FAAP20: variants seen among roughly 807,000 people sequenced by gnomAD.
FAAP20 encodes FA core complex associated protein 20.
Under a neutral mutation model 16.2 loss-of-function variants are expected in FAAP20, and 12 were observed. The ratio of observed to expected loss-of-function variants is 0.74; its 90% CI spans 0.48 to 1.20. The LOEUF (loss-of-function observed/expected upper bound fraction) is 1.20. Among genes scored for constraint, FAAP20 ranks in the 50% most tolerant of loss-of-function variants. FAAP20 has a pLI of 0.00. For synonymous variants in FAAP20, 141 were observed against 110.7 expected (o/e 1.27, Z -1.72); for missense variants, 288 against 245.8 (o/e 1.17, Z -1.15).
At chr1:2,184,564 C>G, downstream of FAAP20, 1 of 1,606,242 alleles carries the variant, frequency 6.2e-7, no homozygotes, top group Non-Finnish European at 8.5e-7. Context: ...GCTGACCCTT[C>G]TCCTATTGTT....
chr1:2,187,060 T>A (rs917900872), downstream of FAAP20: 7 of 374,730 alleles, frequency 1.9e-5, no homozygotes, highest in Non-Finnish European at 3.9e-5. Flanking sequence ...TCTCGAAAAC[T>A]CTGGTGACTT....
At chr1:2,193,954 C>A (rs757605520) in intron 2 of FAAP20, 44 bp from the exon 3 acceptor site, 3 of 1,612,240 alleles carry the variant, frequency 1.9e-6, no homozygotes, top group Non-Finnish European at 2.5e-6. Flanking sequence ...ATGGCTCCCG[C>A]CCTGGAAACC....
upstream of FAAP20, chr1:2,198,265 A>T (rs1688903494): frequency 2.0e-6 from 2 of 1,015,128 alleles, no homozygotes; most frequent in South Asian, 3.1e-5. Context: ...TCCCAGGCAG[A>T]GCAGAAGGTG....
chr1:2,190,486 C>G (rs962684882), intron 3 of FAAP20: 1 of 444,250 alleles, frequency 2.3e-6, no homozygotes, highest in Admixed American at 2.4e-5. Flanking sequence ...CTTCTATCCC[C>G]GGCCTCATGT....
downstream of FAAP20, chr1:2,212,146 A>T (rs1231679439): frequency 2.6e-5 from 4 of 151,988 alleles, no homozygotes; most frequent in Admixed American, 2.0e-4. Flanking sequence ...TGACCTCGTG[A>T]TCCGCCCGCC....
At chr1:2,204,794 C>G (rs543043080), upstream of FAAP20, among the ~76,000 whole-genome samples, 285 of 152,280 alleles carry the variant, frequency 1.9e-3, 1 homozygote, top group African/African-American at 6.6e-3. Flanking sequence ...CTTTGGTTTC[C>G]TCCCGCCGCC....
At chr1:2,194,622 G>A in intron 1 of FAAP20, 66 bp downstream of exon 1, 2 of 930,524 alleles carry the variant, frequency 2.1e-6, no homozygotes, top group Non-Finnish European at 2.7e-6. Context: ...GGAGGCCCGC[G>A]GGGGCGCCGG....
intron 3 of FAAP20, chr1:2,190,422 G>A (rs1162751013): frequency 4.5e-6 from 2 of 446,596 alleles, no homozygotes; most frequent in South Asian, 1.6e-5. Context: ...GAGTCCTGCA[G>A]GTCAGCGCCC....
At chr1:2,199,286 T>A, upstream of FAAP20, 4 of 1,062,368 alleles carry the variant, frequency 3.8e-6, no homozygotes, top group Non-Finnish European at 1.1e-6. The surrounding 1 kb of genome is among the most constrained non-coding windows in gnomAD (Gnocchi z 4.5). Context: ...CTGTCCTCCA[T>A]CCCCACGTGT....
At chr1:2,192,022 T>C (rs1289312294) in intron 3 of FAAP20, 2 of 985,412 alleles carry the variant, frequency 2.0e-6, no homozygotes, top group Non-Finnish European at 2.4e-6. Flanking sequence ...GGAGGCCTCC[T>C]GGCAGCTCCA....
chr1:2,199,602 C>A, upstream of FAAP20: 13 of 985,782 alleles, frequency 1.3e-5, no homozygotes, highest in Non-Finnish European at 1.6e-5. This position sits in a 1 kb window ranked among gnomAD's most constrained non-coding sequence, Gnocchi z 4.5. Context: ...GAAGGCAAGT[C>A]ACAGAAACCA....
upstream of FAAP20, chr1:2,198,269 G>T (rs753529753): frequency 1.0e-6 from 1 of 984,262 alleles, no homozygotes; most frequent in Non-Finnish European, 1.4e-6. Flanking sequence ...AGGCAGAGCA[G>T]AAGGTGATCG....
downstream of FAAP20, among the ~76,000 whole-genome samples, chr1:2,207,980 G>A (rs976178757): frequency 1.3e-5 from 2 of 152,088 alleles, no homozygotes; most frequent in Admixed American, 6.5e-5. Flanking sequence ...ATGCGTGCAG[G>A]CATGTGAGCC....
Position 2,189,621 on chromosome 1 carries a change from C to T in FAAP20, c.*88G>A, listed in dbSNP as rs1274718564. 1.0e-5 allele frequency: 10 copies of T among 995,408 alleles called. No individual in the cohort carries two copies. 61.7% of individuals were successfully genotyped at this position (995,408 alleles called of 1,614,324 possible). A position where few individuals can be genotyped will look rare whatever the true frequency, so the allele number is the denominator to read the frequency against. Reference sequence around the variant, plus strand: ...CATGCGGGGGAGCCGAGAGGCGGGGCTGCTGGCGGGGGAGCCGAGAGGCGG... The same window carrying T: ...CATGCGGGGGAGCCGAGAGGCGGGGTTGCTGGCGGGGGAGCCGAGAGGCGG... On this transcript the variant is annotated 3_prime_UTR_variant, in exon 4 of 4. Transcript: ENST00000378546.
At chr1:2,186,498 C>G (rs953954502), downstream of FAAP20, among the ~76,000 whole-genome samples, 2 of 145,066 alleles carry the variant, frequency 1.4e-5, no homozygotes, top group Non-Finnish European at 3.1e-5. Flanking sequence ...GGACACCCGC[C>G]CCCCCCCGGC....
downstream of FAAP20, among the ~76,000 whole-genome samples, chr1:2,209,177 C>T (rs1247353418): frequency 6.6e-6 from 1 of 152,156 alleles, no homozygotes; most frequent in South Asian, 2.1e-4. Flanking sequence ...CCGTCCCCCA[C>T]CTGCTGCATG....
At chr1:2,204,942 CGCCCCTCAAG>C in intron 3 of FAAP20, among the ~76,000 whole-genome samples, 1 of 119,256 alleles carries the variant, frequency 8.4e-6, no homozygotes, top group Admixed American at 8.1e-5. Flanking sequence ...CCCCATACCC[CGCCCCTCAAG>C]CCCCGCCCCG....
chr1:2,205,047 TCACGCCCCGTCCC>T (rs1689194380), intron 3 of FAAP20, among the ~76,000 whole-genome samples: 1 of 44,884 alleles, frequency 2.2e-5, no homozygotes, highest in Non-Finnish European at 4.1e-5. Flanking sequence ...CGAGGCTCCC[TCACGCCCCGTCCC>T]CAAGCCCCGC....
chr1:2,199,345 A>G (rs1688955633), upstream of FAAP20: 2 of 1,034,822 alleles, frequency 1.9e-6, no homozygotes, highest in South Asian at 3.1e-5. The surrounding 1 kb of genome is among the most constrained non-coding windows in gnomAD (Gnocchi z 4.5). Flanking sequence ...GCGGGCTTTT[A>G]TCAGCCCCAG....
Sources: allele counts gnomAD v4.1 joint callset (sites outside exome capture counted in the v4.1 genomes callset), GRCh38; gene constraint gnomAD v4.1.1; non-coding constraint Gnocchi (gnomAD v3.1); transcripts MANE v1.5; gene names NCBI Gene and HGNC (gene_info 2026-07-23, HGNC 2026-07-21).